Variants in CAST observed in about 807,000 individuals in gnomAD.
CAST encodes MIR583 host.
In CAST, 76 loss-of-function variants were observed where a neutral mutation model predicts 119.6. That is an observed-to-expected ratio of 0.64 (90% CI 0.53 to 0.77). The LOEUF is 0.77. Ranked by LOEUF, CAST falls within the 30% of genes least tolerant of loss-of-function variation. The pLI is 0.00. For synonymous variants in CAST, 319 were observed against 331.6 expected, an observed-to-expected ratio of 0.96 and a Z score of 0.41; for missense variants, 953 against 946.5, an observed-to-expected ratio of 1.01 and a Z score of -0.09.
At chr5:96,762,417 C>A in intron 25 of CAST, 45 bp downstream of exon 25, 1 of 1,393,322 alleles carries the variant, frequency 7.2e-7, no homozygotes. Flanking sequence ...TTTGCGCAGC[C>A]ACAACTAGAA....
At chr5:96,355,008 C>A in the CAST span, among the ~76,000 whole-genome samples, 36 of 151,882 alleles carry the variant, frequency 2.4e-4, no homozygotes, top group Admixed American at 4.6e-4. Flanking sequence ...TCTTTTCATT[C>A]TTTATAGTTC....
At chr5:96,322,290 T>C in the CAST span, among the ~76,000 whole-genome samples, 5 of 152,258 alleles carry the variant, frequency 3.3e-5, no homozygotes, top group East Asian at 9.7e-4. Context: ...CTACAGAGGC[T>C]GGTACGCTGT....
chr5:96,143,429 C>G, the CAST span, among the ~76,000 whole-genome samples: 1 of 152,186 alleles, frequency 6.6e-6, no homozygotes, highest in African/African-American at 2.4e-5. Context: ...ATCCCCTGAC[C>G]CAGTTGAATT....
the CAST span, among the ~76,000 whole-genome samples, chr5:95,990,719 A>G: frequency 6.6e-6 from 1 of 152,118 alleles, no homozygotes; most frequent in Admixed American, 6.6e-5. Flanking sequence ...TTTACATAGT[A>G]TCATTTAAAA....
the CAST span, among the ~76,000 whole-genome samples, chr5:96,323,142 C>T: frequency 6.6e-6 from 1 of 152,108 alleles, no homozygotes; most frequent in Non-Finnish European, 1.5e-5. Context: ...AAACTTCAGT[C>T]GATGTTCAGG....
chr5:96,573,433 C>A (rs261231), intron 1 of CAST, among the ~76,000 whole-genome samples: 62,607 of 151,758 alleles, frequency 0.41, 13,498 homozygotes, highest in Middle Eastern at 0.49. Context: ...GAGTTCGAGA[C>A]CAGCCTGAAC....
intron 3 of CAST, among the ~76,000 whole-genome samples, chr5:96,717,273 C>T (rs369099118): frequency 2.6e-5 from 4 of 152,142 alleles, no homozygotes; most frequent in African/African-American, 7.2e-5. Flanking sequence ...GAAATATCAA[C>T]ACAAGAGTTG....
the CAST span, among the ~76,000 whole-genome samples, chr5:96,012,005 A>G: frequency 3.9e-5 from 6 of 152,188 alleles, no homozygotes; most frequent in Non-Finnish European, 7.4e-5. Context: ...GGTGTCTGGT[A>G]TAGGAGAAAG....
intron 1 of CAST, among the ~76,000 whole-genome samples, chr5:96,585,334 C>G (rs1746840728): frequency 6.6e-6 from 1 of 152,156 alleles, no homozygotes; most frequent in African/African-American, 2.4e-5. Context: ...TTTACTACCT[C>G]CAGCCCATCC....
the CAST span, among the ~76,000 whole-genome samples, chr5:96,168,836 G>T: frequency 6.6e-6 from 1 of 152,100 alleles, no homozygotes; most frequent in Admixed American, 6.5e-5. Flanking sequence ...AGCTGAAGGA[G>T]CTGGGAAGCA....
chr5:96,747,342 C>A lies in CAST; in HGVS notation c.1285-3C>A, dbSNP rs1415974215. ...TTCCAATGAATTTTAATTTCATTTA[C>A]AGGATAAAGATGGAAAACCACTATT... is the stretch of plus-strand genomic sequence containing the variant. On this transcript the variant is annotated splice_polypyrimidine_tract_variant and splice_region_variant and intron_variant, in intron 17 of 31. Transcript: ENST00000675179. The A allele has an allele frequency of 6.3e-7, 1 of 1,585,356 alleles. No individual in the cohort carries two copies. Among genetic ancestry groups the A allele is most frequent in the Admixed American group, 1.7e-5 (1 of 59,012 alleles).
the CAST span, among the ~76,000 whole-genome samples, chr5:96,436,586 A>G: frequency 6.6e-6 from 1 of 152,230 alleles, no homozygotes. Context: ...TCTATTTTAA[A>G]TAATATAGCC....
chr5:96,583,803 C>T (rs953462913), intron 1 of CAST, among the ~76,000 whole-genome samples: 1 of 152,146 alleles, frequency 6.6e-6, no homozygotes, highest in Non-Finnish European at 1.5e-5. Context: ...TGTATTGTTA[C>T]TTGATTTTTC....
chr5:96,564,447 T>G (rs1746434212), intron 1 of CAST, among the ~76,000 whole-genome samples: 1 of 152,232 alleles, frequency 6.6e-6, no homozygotes, highest in African/African-American at 2.4e-5. Context: ...CAAAACAGAA[T>G]CCCATTCTAC....
At chr5:96,460,439 A>C in the CAST span, among the ~76,000 whole-genome samples, 1 of 152,082 alleles carries the variant, frequency 6.6e-6, no homozygotes, top group African/African-American at 2.4e-5. Flanking sequence ...GCGGGGCTTA[A>C]AACCTAGATG....
the CAST span, chr5:96,425,747 A>C: frequency 6.1e-6 from 5 of 813,912 alleles, no homozygotes; most frequent in East Asian, 4.9e-5. Context: ...AAAAAAATCC[A>C]TGTTGCAAAT....
At chr5:96,494,187 C>T in the CAST span, among the ~76,000 whole-genome samples, 103 of 152,268 alleles carry the variant, frequency 6.8e-4, no homozygotes, top group Non-Finnish European at 1.1e-3. Context: ...AAGAAAAGAA[C>T]CTCAAGTTTC....
At chr5:96,051,059 T>TA in the CAST span, among the ~76,000 whole-genome samples, 2,377 of 152,196 alleles carry the variant, frequency 0.016, 67 homozygotes, top group African/African-American at 0.053. Flanking sequence ...TAAATTAACT[T>TA]AAAAAAAATC....
the CAST span, among the ~76,000 whole-genome samples, chr5:96,231,383 A>G: frequency 2.7e-4 from 41 of 152,162 alleles, no homozygotes; most frequent in African/African-American, 9.4e-4. Flanking sequence ...GTCGTAAGAT[A>G]CCACATATTG....
Sources: allele counts gnomAD v4.1 joint callset (sites outside exome capture counted in the v4.1 genomes callset), GRCh38; gene constraint gnomAD v4.1.1; transcripts MANE v1.5; gene names NCBI Gene and HGNC (gene_info 2026-07-23, HGNC 2026-07-21).